MYH11: variants seen among roughly 807,000 people sequenced by gnomAD.
MYH11 encodes the protein myosin heavy chain 11.
MYH11 carries 80 observed loss-of-function variants against 246.6 expected under a neutral mutation model. The ratio of observed to expected loss-of-function variants is 0.32; its 90% CI spans 0.27 to 0.39. The LOEUF is 0.39. Ranked by LOEUF, MYH11 falls within the 10% of genes least tolerant of loss-of-function variation. The pLI is 1.00. For missense variants in MYH11, 2,158 were observed against 2,546.8 expected (o/e 0.85, Z 3.29); for synonymous variants, 1,071 against 1,015.5 (o/e 1.05, Z -1.04).
chr16:15,782,684 A>T (rs2042384414), intron 5 of MYH11: 12 of 567,708 alleles, frequency 2.1e-5, no homozygotes, highest in Non-Finnish European at 3.2e-5. Context: ...TAGCTAGGAC[A>T]TCTGCTCCCT....
At chr16:15,807,687 T>C (rs1256034111) in intron 3 of MYH11, among the ~76,000 whole-genome samples, 1 of 152,024 alleles carries the variant, frequency 6.6e-6, no homozygotes, top group Non-Finnish European at 1.5e-5. Flanking sequence ...CCAGCCCAGA[T>C]CCCTGGGGCT....
At chr16:15,796,504 A>G (rs2042745589) in intron 4 of MYH11, among the ~76,000 whole-genome samples, 1 of 152,158 alleles carries the variant, frequency 6.6e-6, no homozygotes, top group South Asian at 2.1e-4. Flanking sequence ...CATTCACTCA[A>G]CAGAGGGCAG....
At chr16:15,766,221 T>C (rs1187016823) in intron 9 of MYH11, among the ~76,000 whole-genome samples, 2 of 152,182 alleles carry the variant, frequency 1.3e-5, no homozygotes, top group African/African-American at 4.8e-5. Flanking sequence ...CAAACCCATC[T>C]GAAGGGGCCA....
At chr16:15,760,689 A>G (rs377574356) in intron 10 of MYH11, 31 bp from the exon 11 acceptor site, 12 of 1,394,484 alleles carry the variant, frequency 8.6e-6, no homozygotes, top group African/African-American at 1.4e-5. Context: ...TCGTGAGTGC[A>G]TCACAAAAGA....
chr16:15,816,827 A>C (rs1163351136), intron 3 of MYH11, among the ~76,000 whole-genome samples: 1 of 152,146 alleles, frequency 6.6e-6, no homozygotes, highest in Non-Finnish European at 1.5e-5. Flanking sequence ...GGAGTTGAGA[A>C]GTAGCAGAGG....
chr16:15,717,514 GC>G (rs2040225537), intron 37 of MYH11, 166 bp from the exon 38 acceptor site: 7 of 697,924 alleles, frequency 1.0e-5, no homozygotes, highest in East Asian at 8.1e-5. Context: ...CTTCTTCCAG[GC>G]CGGGCGTGGT....
intron 3 of MYH11, among the ~76,000 whole-genome samples, chr16:15,803,601 A>T (rs2042940253): frequency 6.6e-6 from 1 of 152,204 alleles, no homozygotes. Flanking sequence ...CCCTGTGATT[A>T]GAACCCAGAC....
At chr16:15,727,649 T>C (rs1476236851) in intron 27 of MYH11, among the ~76,000 whole-genome samples, 1 of 152,192 alleles carries the variant, frequency 6.6e-6, no homozygotes, top group African/African-American at 2.4e-5. Flanking sequence ...CACATAAAAA[T>C]CTGGATTCCC....
intron 3 of MYH11, among the ~76,000 whole-genome samples, chr16:15,820,806 A>G (rs1294873508): frequency 6.6e-6 from 1 of 152,246 alleles, no homozygotes; most frequent in African/African-American, 2.4e-5. Flanking sequence ...ACCTACTTGT[A>G]ATTAAAATAA....
intron 4 of MYH11, among the ~76,000 whole-genome samples, chr16:15,789,623 T>C (rs2151310922): frequency 6.6e-6 from 1 of 152,304 alleles, no homozygotes. Context: ...TCCACTGGAA[T>C]TCTGCCATAT....
rs974996722 is a variant in MYH11, at chr16:15,756,588, A to G, written c.1576-74T>C. 4.0e-5 allele frequency: 61 copies of G among 1,509,966 alleles called. No individual in the cohort carries two copies. The Middle Eastern group carries it at 5.1e-4, about 13-fold the overall frequency. 93.5% of individuals were successfully genotyped at this position (1,509,966 alleles called of 1,614,324 possible). On this transcript the variant is annotated intron_variant, in intron 13 of 40. Transcript: ENST00000300036. ...GCATTCCATGAAGAGCTGGCCAACT[A>G]TACACAACGCATGGGCATCCGCCGA...
chr16:15,707,663 G>GA (rs1567672976), intron 40 of MYH11, among the ~76,000 whole-genome samples: 1 of 152,198 alleles, frequency 6.6e-6, no homozygotes, highest in Non-Finnish European at 1.5e-5. Flanking sequence ...TCCATGAGGT[G>GA]AAGTCAGATC....
intron 5 of MYH11, chr16:15,786,311 T>G: frequency 8.9e-6 from 4 of 449,152 alleles, no homozygotes; most frequent in South Asian, 4.1e-5. Flanking sequence ...CAAGGAAGAG[T>G]TATCTGGTCC....
intron 3 of MYH11, among the ~76,000 whole-genome samples, chr16:15,812,328 T>C (rs1448173021): frequency 6.6e-6 from 1 of 152,036 alleles, no homozygotes; most frequent in Non-Finnish European, 1.5e-5. Flanking sequence ...CTTGTAAGCA[T>C]ATGCTGAGGG....
intron 3 of MYH11, among the ~76,000 whole-genome samples, chr16:15,811,047 G>A (rs966292648): frequency 6.6e-6 from 1 of 152,110 alleles, no homozygotes; most frequent in Non-Finnish European, 1.5e-5. Flanking sequence ...GATATTAGGA[G>A]GTGGGGCCTT....
In MYH11 at chr16:15,756,477, T is replaced by C. The variant is rs1421397442; in HGVS notation, c.1613A>G (p.Glu538Gly). 1.2e-6 allele frequency: 2 copies of C among 1,614,156 alleles called. No homozygotes were observed. The highest frequency in any genetic ancestry group is 1.7e-6 in the Non-Finnish European group (2 of 1,180,014). Residue 538 changes from glutamate (E) to glycine (G), a missense_variant, in exon 14 of 41, where the codon GAA (glutamate) becomes GGA (glycine). Physicochemically the swap from Glu to Gly is moderately conservative, Grantham distance 98 (BLOSUM62 -2). This residue lies in a region of MYH11 where 317 missense variants were observed against 507.7 expected (regional missense o/e 0.62). Coordinates refer to ENST00000300036, the MANE Select transcript of MYH11 (RefSeq NM_002474.3). The stretch of plus-strand genomic sequence containing the variant: ...GTCCGTGGCTTTGGGGAACCAGCAT[T>C]CCTCGTCCAGCAGGGCCAGCACACC... ...PPGVLALLDE[E>G]CWFPKATDKS...
chr16:15,740,333 C>A lies in MYH11; in HGVS notation c.2860-145G>T, dbSNP rs1033225267. 3 of 1,284,296 alleles carry A rather than the reference C, an allele frequency of 2.3e-6. No homozygotes were observed. The South Asian group carries it at 3.9e-5, about 17-fold the overall frequency. 79.6% of individuals were successfully genotyped at this position (1,284,296 alleles called of 1,614,324 possible). A position where few individuals can be genotyped will look rare whatever the true frequency, so the allele number is the denominator to read the frequency against. ...TAAAAGGAAGAAATAAAGGCCTGAG[C>A]GTGGTGGCTCACACCTGTAATCCCA... On this transcript the variant is annotated intron_variant, in intron 22 of 40. Coordinates refer to ENST00000300036, the MANE Select transcript of MYH11 (RefSeq NM_002474.3).
chr16:15,846,678 T>A (rs146339283), intron 1 of MYH11, among the ~76,000 whole-genome samples: 1 of 151,992 alleles, frequency 6.6e-6, no homozygotes, highest in South Asian at 2.1e-4. Flanking sequence ...GCAAGACCCA[T>A]CTCTAAGAAA....
chr16:15,763,741 T>TCGGGGCCCCCCCCCCCCCC, intron 10 of MYH11, 55 bp downstream of exon 10: 3 of 646,850 alleles, frequency 4.6e-6, no homozygotes, highest in Non-Finnish European at 8.7e-6. Context: ...AAATGTCACC[T>TCGGGGCCCCCCCCCCCCCC]CCCCCACCCC....
Sources: allele counts gnomAD v4.1 joint callset (sites outside exome capture counted in the v4.1 genomes callset), GRCh38; gene constraint gnomAD v4.1.1; regional missense constraint gnomAD v4.1.1; transcripts MANE v1.5; gene names NCBI Gene and HGNC (gene_info 2026-07-23, HGNC 2026-07-21).